Variants in IFI16 observed in about 807,000 individuals in gnomAD.
The protein encoded by IFI16 is gamma-interferon-inducible protein 16.
In IFI16, 49 loss-of-function variants were observed where a neutral mutation model predicts 68.4. The observed-to-expected ratio is 0.72, with a 90% CI of 0.57 to 0.91. The LOEUF (loss-of-function observed/expected upper bound fraction) is 0.91. IFI16 is among the 40% of genes least tolerant of loss of function. The pLI is 0.00. For synonymous variants in IFI16, 307 were observed against 315.0 expected (o/e 0.97, Z 0.27); for missense variants, 878 against 942.9 (o/e 0.93, Z 0.90).
chr1:159,020,260 C>T, intron 5 of IFI16, 81 bp from the exon 6 acceptor site: 1 of 990,994 alleles, frequency 1.0e-6, no homozygotes, highest in South Asian at 1.5e-5. Flanking sequence ...TCTTGTTTAA[C>T]TCTCTTAGAA....
intron 6 of IFI16, among the ~76,000 whole-genome samples, chr1:159,029,356 C>A (rs1653860012): frequency 6.6e-6 from 1 of 152,200 alleles, no homozygotes; most frequent in Non-Finnish European, 1.5e-5. Context: ...GTTGAGAAAT[C>A]TGCTTTTAAT....
At chr1:159,053,492 T>C (rs370634727) in intron 10 of IFI16, 41 bp from the exon 11 acceptor site, 7 of 1,388,502 alleles carry the variant, frequency 5.0e-6, no homozygotes, top group South Asian at 2.5e-5. Context: ...TGAAAATTAT[T>C]GATCCAGTTT....
chr1:159,016,892 A>G (rs763941552), intron 4 of IFI16, among the ~76,000 whole-genome samples, 192 bp downstream of exon 4: 1 of 152,154 alleles, frequency 6.6e-6, no homozygotes, highest in Non-Finnish European at 1.5e-5. Flanking sequence ...TGACTGCAGG[A>G]AGTTTTCTGT....
chr1:159,038,657 G>A (rs1654457007), intron 7 of IFI16, among the ~76,000 whole-genome samples: 1 of 152,162 alleles, frequency 6.6e-6, no homozygotes, highest in South Asian at 2.1e-4. Context: ...ACAAGCCACT[G>A]CATGCAGCTT....
intron 7 of IFI16, among the ~76,000 whole-genome samples, chr1:159,036,801 T>A (rs555272944): frequency 1.3e-5 from 2 of 152,270 alleles, no homozygotes; most frequent in East Asian, 3.9e-4. Context: ...AGATGACAAT[T>A]TTCCAAGTTA....
intron 4 of IFI16, 107 bp from the exon 5 acceptor site, chr1:159,018,122 C>G: frequency 1.2e-6 from 1 of 868,054 alleles, no homozygotes; most frequent in Non-Finnish European, 1.8e-6. Flanking sequence ...CAGCTCTAAA[C>G]ATCTGTGCAA....
chr1:159,014,672 T>C lies in IFI16; in HGVS notation c.-9T>C. On this transcript the variant is annotated 5_prime_UTR_variant, in exon 2 of 12. Coordinates refer to ENST00000295809, the MANE Select transcript of IFI16 (RefSeq NM_001376587.1). Reference sequence around the variant, plus strand: ...ATTTTCTCTTGTAGGCTCACTTATGTCTGTAAAGATGGGAAAAAAATACAA... The same window carrying C: ...ATTTTCTCTTGTAGGCTCACTTATGCCTGTAAAGATGGGAAAAAAATACAA... The C allele has an allele frequency of 6.3e-7, 1 of 1,584,990 alleles. No homozygotes were observed. Among genetic ancestry groups the C allele is most frequent in the East Asian group, 2.2e-5 (1 of 44,624 alleles).
intron 7 of IFI16, among the ~76,000 whole-genome samples, chr1:159,035,161 A>AT (rs557376158): frequency 5.9e-5 from 9 of 151,396 alleles, no homozygotes; most frequent in East Asian, 5.8e-4. Flanking sequence ...CTCTATTTTG[A>AT]TTTTTTTTTG....
intron 5 of IFI16, among the ~76,000 whole-genome samples, chr1:159,020,032 A>G (rs1406177474): frequency 6.6e-6 from 1 of 152,214 alleles, no homozygotes; most frequent in Non-Finnish European, 1.5e-5. Flanking sequence ...AAAGGCTATC[A>G]GAGATTTCAG....
intron 5 of IFI16, among the ~76,000 whole-genome samples, chr1:159,019,815 A>G (rs998751254): frequency 6.6e-6 from 1 of 152,248 alleles, no homozygotes; most frequent in African/African-American, 2.4e-5. Context: ...GATGATGAGT[A>G]ATGAGCAAAA....
intron 1 of IFI16, among the ~76,000 whole-genome samples, chr1:159,014,047 C>T (rs953177277): frequency 6.6e-6 from 1 of 152,142 alleles, no homozygotes; most frequent in African/African-American, 2.4e-5. Context: ...TACTGTGATG[C>T]TGCACTAGAA....
At position 159,030,881 on chromosome 1, in the gene IFI16, G is replaced by GGT. The variant is rs201159461; in HGVS notation, c.1162-1642_1162-1641insTG. On this transcript the variant is annotated intron_variant, in intron 6 of 11. Transcript: ENST00000295809. ...TGAGTTTCTCAGGTGGTGGGTGGGG[G>GGT]GGCCACAGAGCTCCCAAGAGATTAT... 7.6e-4 allele frequency among the ~76,000 whole-genome samples: 112 copies of GGT among 147,298 alleles called. No individual in the cohort carries two copies. The South Asian group carries it at 0.012, about 15-fold the overall frequency.
chr1:159,017,026 A>T (rs1434870820), intron 4 of IFI16, among the ~76,000 whole-genome samples: 1 of 152,138 alleles, frequency 6.6e-6, no homozygotes, highest in Non-Finnish European at 1.5e-5. Context: ...ATTCCATGTC[A>T]GACCTCTCCA....
At chr1:159,049,747 T>G in intron 9 of IFI16, 148 bp downstream of exon 9, 1 of 873,966 alleles carries the variant, frequency 1.1e-6, no homozygotes, top group Non-Finnish European at 1.8e-6. Context: ...GTGTGTATTT[T>G]GAGGTCCTAT....
chr1:159,051,729 T>C lies in IFI16; in HGVS notation c.1716T>C (p.Ser572=). Residue 572 remains serine (S), a synonymous_variant, in exon 10 of 12, where the codon AGT becomes AGC. Coordinates refer to ENST00000295809, the MANE Select transcript of IFI16 (RefSeq NM_001376587.1). ...CTGAAGAAGTTTCCATAGAAGACAG[T>C]GCCCAGAGTGACCTCAAAGAAGTGA... ...TEPEEVSIED[S]AQSDLKEVMV... 1.9e-6 allele frequency: 3 copies of C among 1,613,988 alleles called. No individual in the cohort carries two copies. Among genetic ancestry groups the C allele is most frequent in the Non-Finnish European group, 2.5e-6 (3 of 1,179,898 alleles).
chr1:159,053,773 T>C (rs1655508486), intron 11 of IFI16, 49 bp downstream of exon 11: 2 of 1,441,960 alleles, frequency 1.4e-6, no homozygotes, highest in Non-Finnish European at 1.9e-6. Flanking sequence ...AATCATTTTG[T>C]TTATACTTTA....
exon 1 of IFI16, chr1:158,999,995 A>G (rs1321820069): frequency 6.5e-6 from 1 of 153,040 alleles, no homozygotes; most frequent in African/African-American, 2.4e-5. Context: ...CAGAAATGCC[A>G]TGAAAGGAAA....
At position 159,054,018 on chromosome 1, in the gene IFI16, G is replaced by A. The variant is rs112998457; in HGVS notation, c.2277+294G>A. Among the ~76,000 whole-genome samples the A allele has an allele frequency of 3.2e-3, 493 of 152,014 alleles. 3 individuals carry two copies. Among genetic ancestry groups the A allele is most frequent in the African/African-American group, 0.011 (474 of 41,452 alleles). On this transcript the variant is annotated intron_variant, in intron 11 of 11. Coordinates refer to ENST00000295809, the MANE Select transcript of IFI16 (RefSeq NM_001376587.1). Reference sequence around the variant, plus strand: ...TAATAAGAATTTGGGTTTGGTTAAGGCACATTTGTTTCAACTAGCTGGTTC... The same window carrying A: ...TAATAAGAATTTGGGTTTGGTTAAGACACATTTGTTTCAACTAGCTGGTTC...
chr1:159,031,636 G>T (rs974049228), intron 6 of IFI16, among the ~76,000 whole-genome samples: 2 of 152,146 alleles, frequency 1.3e-5, no homozygotes, highest in Non-Finnish European at 2.9e-5. Flanking sequence ...TATGTTCATG[G>T]GTGGATGATC....
Sources: allele counts gnomAD v4.1 joint callset (sites outside exome capture counted in the v4.1 genomes callset), GRCh38; gene constraint gnomAD v4.1.1; transcripts MANE v1.5; gene names NCBI Gene and HGNC (gene_info 2026-07-23, HGNC 2026-07-21).